The following EIF4G3 variants were observed in gnomAD, a reference collection of about 807,000 sequenced individuals.
EIF4G3 encodes eIF-4-gamma 3.
EIF4G3 carries 34 observed loss-of-function variants against 186.4 expected under a neutral mutation model. The observed-to-expected ratio is 0.18, with a 90% CI of 0.14 to 0.24. EIF4G3 has a LOEUF of 0.24. Among genes scored for constraint, EIF4G3 ranks in the 10% least tolerant of loss-of-function variants. The pLI is 1.00. For missense variants in EIF4G3, 1,536 were observed against 1,948.5 expected, an observed-to-expected ratio of 0.79 and a Z score of 3.99; for synonymous variants, 673 against 679.5, an observed-to-expected ratio of 0.99 and a Z score of 0.15.
intron 4 of EIF4G3, among the ~76,000 whole-genome samples, chr1:21,018,799 T>C (rs2089947661): frequency 6.6e-6 from 1 of 152,118 alleles, no homozygotes; most frequent in Non-Finnish European, 1.5e-5. Flanking sequence ...ATGTGATCTC[T>C]GAACACACCT....
At chr1:21,167,880 T>C (rs993615739) in intron 2 of EIF4G3, 1 of 278,148 alleles carries the variant, frequency 3.6e-6, no homozygotes, top group African/African-American at 2.3e-5. Context: ...GGAAAAAAAC[T>C]TGTGATGTTA....
At chr1:21,075,302 C>T (rs539355600) in intron 3 of EIF4G3, among the ~76,000 whole-genome samples, 3 of 152,012 alleles carry the variant, frequency 2.0e-5, no homozygotes, top group Non-Finnish European at 4.4e-5. Flanking sequence ...GGCAGGGTGG[C>T]TCATGTCTGT....
intron 29 of EIF4G3, among the ~76,000 whole-genome samples, chr1:20,843,946 G>T (rs1042520518): frequency 2.0e-5 from 3 of 152,166 alleles, no homozygotes; most frequent in Non-Finnish European, 2.9e-5. Flanking sequence ...TAAGGATAAT[G>T]GCCTCCAGCT....
chr1:21,020,543 T>C (rs931566596), intron 4 of EIF4G3, among the ~76,000 whole-genome samples: 12 of 152,070 alleles, frequency 7.9e-5, no homozygotes, highest in African/African-American at 2.9e-4. Flanking sequence ...ATTTATCTGT[T>C]GGGATAAGGG....
chr1:21,103,264 C>T (rs2096558882), intron 2 of EIF4G3, among the ~76,000 whole-genome samples: 1 of 152,164 alleles, frequency 6.6e-6, no homozygotes, highest in Non-Finnish European at 1.5e-5. Context: ...CTCTTCCATA[C>T]TCTTGACTAT....
intron 2 of EIF4G3, among the ~76,000 whole-genome samples, chr1:21,103,669 C>T (rs2096565631): frequency 6.6e-6 from 1 of 152,090 alleles, no homozygotes; most frequent in Admixed American, 6.6e-5. Flanking sequence ...CATGGTGAAA[C>T]CTCATCTCTA....
chr1:20,897,445 G>C (rs1457352510), intron 16 of EIF4G3, among the ~76,000 whole-genome samples: 1 of 148,888 alleles, frequency 6.7e-6, no homozygotes, highest in Non-Finnish European at 1.5e-5. Context: ...ACAAAACACA[G>C]AAACAACTTA....
In EIF4G3 at chr1:21,087,958, C is replaced by T. The variant is rs142392182; in HGVS notation, c.-196+1180G>A. The stretch of plus-strand genomic sequence containing the variant: ...AAAAAAATTTTTTAATTAGCATGCA[C>T]AGTAGCATGTGACTGTAGTCCCAGT... On this transcript the variant is annotated intron_variant, in intron 3 of 36. Coordinates refer to ENST00000602326, the MANE Select transcript of EIF4G3 (RefSeq NM_001391906.1). Among the ~76,000 whole-genome samples, 808 of 151,240 alleles carry T rather than the reference C, an allele frequency of 5.3e-3. 9 individuals are homozygous for T. Among genetic ancestry groups the T allele is most frequent in the African/African-American group, 0.019 (781 of 41,280 alleles).
intron 19 of EIF4G3, among the ~76,000 whole-genome samples, chr1:20,885,621 G>C (rs1434088746): frequency 6.6e-6 from 1 of 152,182 alleles, no homozygotes; most frequent in African/African-American, 2.4e-5. Flanking sequence ...CTTGGGGATA[G>C]GAATTGACAT....
chr1:21,158,089 C>T (rs1056452736), intron 2 of EIF4G3, among the ~76,000 whole-genome samples: 3 of 152,038 alleles, frequency 2.0e-5, no homozygotes, highest in Admixed American at 2.0e-4. Flanking sequence ...CTGACCAAAG[C>T]CTTCAATGTC....
intron 4 of EIF4G3, among the ~76,000 whole-genome samples, chr1:21,006,063 T>A (rs558124404): frequency 6.6e-6 from 1 of 152,184 alleles, no homozygotes; most frequent in Non-Finnish European, 1.5e-5. Context: ...ATTTTGCCAA[T>A]AGATCATTCA....
intron 22 of EIF4G3, among the ~76,000 whole-genome samples, chr1:20,863,752 T>TA: frequency 7.7e-6 from 1 of 129,990 alleles, no homozygotes; most frequent in South Asian, 2.8e-4. Context: ...CTGACCCTGT[T>TA]ACTTAAAAAA....
intron 2 of EIF4G3, among the ~76,000 whole-genome samples, chr1:21,131,304 A>C (rs531070146): frequency 6.8e-6 from 1 of 148,100 alleles, no homozygotes; most frequent in South Asian, 2.2e-4. Context: ...AAATTACTCA[A>C]ACTACAACAT....
intron 12 of EIF4G3, among the ~76,000 whole-genome samples, chr1:20,956,819 C>A (rs2096440546): frequency 6.6e-6 from 1 of 151,996 alleles, no homozygotes; most frequent in African/African-American, 2.4e-5. Flanking sequence ...GTTGCCAGGG[C>A]TGGTGAACTC....
chr1:20,996,749 T>C (rs1018830209), intron 7 of EIF4G3, among the ~76,000 whole-genome samples: 17 of 152,186 alleles, frequency 1.1e-4, no homozygotes, highest in South Asian at 2.1e-4. Flanking sequence ...TTTATCTCCA[T>C]TTTACATATG....
chr1:20,937,829 A>G (rs1445869736), intron 14 of EIF4G3, among the ~76,000 whole-genome samples: 1 of 152,190 alleles, frequency 6.6e-6, no homozygotes, highest in African/African-American at 2.4e-5. Context: ...AATTCCCAAG[A>G]CTTTAATATA....
chr1:21,101,305 C>T (rs891243764), intron 2 of EIF4G3, among the ~76,000 whole-genome samples: 37 of 151,966 alleles, frequency 2.4e-4, no homozygotes, highest in African/African-American at 8.5e-4. Context: ...CGGTGGCTCA[C>T]GCCAGTAAAC....
At chr1:20,879,607 A>G (rs1444765403) in intron 19 of EIF4G3, 87 bp from the exon 20 acceptor site, 7 of 803,482 alleles carry the variant, frequency 8.7e-6, no homozygotes, top group Middle Eastern at 4.1e-4. Context: ...AAAATAATAT[A>G]TAAGTTCAAC....
chr1:21,091,031 G>A (rs921947255), intron 2 of EIF4G3, among the ~76,000 whole-genome samples: 1 of 152,118 alleles, frequency 6.6e-6, no homozygotes, highest in Non-Finnish European at 1.5e-5. Flanking sequence ...AATACATAAA[G>A]TAATGGCAGA....
Sources: allele counts gnomAD v4.1 joint callset (sites outside exome capture counted in the v4.1 genomes callset), GRCh38; gene constraint gnomAD v4.1.1; transcripts MANE v1.5; gene names NCBI Gene and HGNC (gene_info 2026-07-23, HGNC 2026-07-21).